Variants in CEP83 observed in about 807,000 individuals in gnomAD.
The protein encoded by CEP83 is centrosomal protein of 83 kDa.
A neutral mutation model predicts 101.9 loss-of-function variants in CEP83; 70 were observed. The observed-to-expected ratio is 0.69, with a 90% CI of 0.57 to 0.84. CEP83 has a LOEUF of 0.84. CEP83 is among the 40% of genes least tolerant of loss of function. The probability of loss-of-function intolerance (pLI) is 0.00; values close to 1 mark genes in which losing one functional copy is unlikely to be tolerated. For missense variants in CEP83, 715 were observed against 787.2 expected (o/e 0.91, Z 1.10); for synonymous variants, 264 against 267.9 (o/e 0.99, Z 0.14).
At chr12:94,335,769 C>G in intron 11 of CEP83, 105 bp from the exon 12 acceptor site, 1 of 710,100 alleles carries the variant, frequency 1.4e-6, no homozygotes, top group Non-Finnish European at 2.4e-6. Flanking sequence ...CACCAGAGCA[C>G]AAACACAACC....
At chr12:94,296,171 CTTTATT>C in the CEP83 span, among the ~76,000 whole-genome samples, 2 of 152,098 alleles carry the variant, frequency 1.3e-5, no homozygotes, top group African/African-American at 2.4e-5. Context: ...TCTCTCTCAT[CTTTATT>C]TTTAAGACAG....
At chr12:94,399,827 TAAAG>T (rs753133993) in intron 6 of CEP83, among the ~76,000 whole-genome samples, 1 of 152,190 alleles carries the variant, frequency 6.6e-6, no homozygotes, top group Non-Finnish European at 1.5e-5. Flanking sequence ...CTTAAAGCTA[TAAAG>T]AGTTTTTTTT....
At chr12:94,380,093 A>G (rs1039797344) in intron 6 of CEP83, among the ~76,000 whole-genome samples, 2 of 150,368 alleles carry the variant, frequency 1.3e-5, no homozygotes, top group African/African-American at 4.9e-5. Flanking sequence ...AAAAAAAACA[A>G]AAAACAAAAA....
chr12:94,394,091 A>G (rs2062735102), intron 6 of CEP83, among the ~76,000 whole-genome samples: 1 of 152,206 alleles, frequency 6.6e-6, no homozygotes, highest in African/African-American at 2.4e-5. Flanking sequence ...CAAGCTACCA[A>G]TGACTTTCTT....
At chr12:94,301,269 C>T in the CEP83 span, among the ~76,000 whole-genome samples, 3 of 152,178 alleles carry the variant, frequency 2.0e-5, no homozygotes, top group African/African-American at 7.2e-5. Context: ...ATTAGCCCCA[C>T]CCAACTGCAG....
rs61927187 is a variant in CEP83, at chr12:94,443,854, C to T, written c.-154-8527G>A. ...AGATGCTTTATAACTATATAAACTA[C>T]GTTTTCCAAAGAAACTATAAATTCC... On this transcript the variant is annotated intron_variant, in intron 1 of 16. Transcript: ENST00000397809. 4.6e-3 allele frequency among the ~76,000 whole-genome samples: 698 copies of T among 152,036 alleles called. 3 individuals carry two copies. Among genetic ancestry groups the T allele is most frequent in the Non-Finnish European group, 6.3e-3 (430 of 68,002 alleles).
chr12:94,298,503 T>C, the CEP83 span: 5 of 761,654 alleles, frequency 6.6e-6, no homozygotes, highest in African/African-American at 8.9e-5. Flanking sequence ...TTTACATTTT[T>C]CTCTTCAGTT....
chr12:94,432,357 T>C (rs1267455378), intron 2 of CEP83, among the ~76,000 whole-genome samples: 1 of 152,090 alleles, frequency 6.6e-6, no homozygotes, highest in Non-Finnish European at 1.5e-5. Flanking sequence ...CCACCACCCC[T>C]GGCCTGAACT....
At chr12:94,403,140 A>T (rs2063349893) in intron 5 of CEP83, 30 bp downstream of exon 5, 8 of 1,097,108 alleles carry the variant, frequency 7.3e-6, no homozygotes, top group African/African-American at 1.5e-5. Flanking sequence ...CATGAGGATA[A>T]ATGCATAGTA....
intron 11 of CEP83, among the ~76,000 whole-genome samples, chr12:94,355,013 C>CA (rs78675224): frequency 0.37 from 55,183 of 148,496 alleles, 10,080 homozygotes; most frequent in Admixed American, 0.39. Context: ...AAACACAAAA[C>CA]AAAAAAAAAC....
intron 2 of CEP83, among the ~76,000 whole-genome samples, chr12:94,417,328 C>A (rs1346328655): frequency 1.3e-5 from 2 of 151,700 alleles, no homozygotes; most frequent in East Asian, 3.9e-4. Context: ...TAAAAAAAAA[C>A]AAAAACACAA....
At chr12:94,431,090 C>T (rs371006430) in intron 2 of CEP83, among the ~76,000 whole-genome samples, 1 of 152,262 alleles carries the variant, frequency 6.6e-6, no homozygotes, top group African/African-American at 2.4e-5. Context: ...ATGCACCCAA[C>T]ACAAGAGCAC....
chr12:94,392,744 C>A (rs545966671), intron 6 of CEP83, among the ~76,000 whole-genome samples: 1 of 151,454 alleles, frequency 6.6e-6, no homozygotes, highest in East Asian at 1.9e-4. Flanking sequence ...AAACTGCTAG[C>A]AAGACTAATA....
At chr12:94,368,411 G>A in intron 9 of CEP83, 2 of 519,564 alleles carry the variant, frequency 3.8e-6, no homozygotes, top group Non-Finnish European at 6.7e-6. Context: ...TCCTGTCACT[G>A]TTTATTTAGT....
In CEP83 at chr12:94,331,597, C is replaced by T. The variant is rs574989312; in HGVS notation, c.1707+103G>A. The T allele has an allele frequency of 2.1e-3, 1,974 of 944,686 alleles. 1 individual carries two copies. The highest frequency in any genetic ancestry group is 2.9e-3 in the Non-Finnish European group (1,772 of 608,188). The allele number at this position is 944,686 out of a possible 1,614,324, so 58.5% of individuals were successfully genotyped here. A position where few individuals can be genotyped will look rare whatever the true frequency, so the allele number is the denominator to read the frequency against. On this transcript the variant is annotated intron_variant, in intron 14 of 16. Transcript: ENST00000397809. ...TGTTAGCCAGGATGGTCTCAATGAT[C>T]TCCTGACCTCGTGATCCACCTGCCT...
the CEP83 span, among the ~76,000 whole-genome samples, chr12:94,285,769 C>T: frequency 1.3e-5 from 2 of 152,248 alleles, no homozygotes; most frequent in East Asian, 3.9e-4. Flanking sequence ...CAAGCCAGCA[C>T]CTCTCCCTGT....
intron 6 of CEP83, among the ~76,000 whole-genome samples, chr12:94,400,624 G>A (rs929928669): frequency 8.7e-5 from 13 of 149,630 alleles, no homozygotes; most frequent in African/African-American, 3.2e-4. Flanking sequence ...TATCTCCATT[G>A]GCTGGACAAA....
intron 1 of CEP83, among the ~76,000 whole-genome samples, chr12:94,439,633 T>A (rs2066251471): frequency 6.6e-6 from 1 of 150,456 alleles, no homozygotes; most frequent in South Asian, 2.1e-4. Context: ...TTGGTATGAA[T>A]CCTACTGAAG....
At chr12:94,376,186 G>A (rs75447325) in intron 7 of CEP83, among the ~76,000 whole-genome samples, 169 bp from the exon 8 acceptor site, 4 of 151,944 alleles carry the variant, frequency 2.6e-5, no homozygotes, top group African/African-American at 4.8e-5. Context: ...GAATTCAAAC[G>A]AAAGATAGTG....
Sources: allele counts gnomAD v4.1 joint callset (sites outside exome capture counted in the v4.1 genomes callset), GRCh38; gene constraint gnomAD v4.1.1; transcripts MANE v1.5; gene names NCBI Gene and HGNC (gene_info 2026-07-23, HGNC 2026-07-21).